Variants in PTPRN observed in about 807,000 individuals in gnomAD.
PTPRN encodes the protein receptor-type tyrosine-protein phosphatase-like N.
Under a neutral mutation model 108.5 loss-of-function variants are expected in PTPRN, and 70 were observed. The ratio of observed to expected loss-of-function variants is 0.65; its 90% CI spans 0.53 to 0.79. The LOEUF is 0.79. Ranked by LOEUF, PTPRN falls within the 30% of genes least tolerant of loss-of-function variation. PTPRN has a pLI of 0.00. For synonymous variants in PTPRN, 496 were observed against 524.6 expected (o/e 0.95, Z 0.75); for missense variants, 1,136 against 1,295.5 (o/e 0.88, Z 1.89).
Position 219,290,922 on chromosome 2 carries a change from G to C in PTPRN, c.2730-32C>G, listed in dbSNP as rs1425135580. The C allele has an allele frequency of 6.2e-7, 1 of 1,604,542 alleles. No individual in the cohort carries two copies. The highest frequency in any genetic ancestry group is 8.5e-7 in the Non-Finnish European group (1 of 1,171,312). The stretch of plus-strand genomic sequence containing the variant: ...CAGGAGTTAGTGACAGGTTTAGCTT[G>C]AGATGCAGCAGAAAGGGGGAGGGAC... On this transcript the variant is annotated intron_variant, in intron 20 of 22. Coordinates refer to ENST00000295718, the MANE Select transcript of PTPRN (RefSeq NM_002846.4). The surrounding 1 kb of genome is among the most constrained non-coding windows in gnomAD (Gnocchi z 4.2).
chr2:219,292,203 A>C (rs1303260972), intron 19 of PTPRN: 2 of 153,950 alleles, frequency 1.3e-5, no homozygotes, highest in African/African-American at 4.8e-5. Context: ...GTCTCCCTGG[A>C]GCAGTCTCAC....
At chr2:219,302,055 G>C in intron 6 of PTPRN, 82 bp downstream of exon 6, 1 of 1,253,378 alleles carries the variant, frequency 8.0e-7, no homozygotes, top group Non-Finnish European at 1.1e-6. Flanking sequence ...GTTAACAAAC[G>C]CATAGATTGT....
At chr2:219,308,323 C>A in intron 1 of PTPRN, 1 of 179,212 alleles carries the variant, frequency 5.6e-6, no homozygotes, top group Non-Finnish European at 1.2e-5. Context: ...GCCGCTGGCG[C>A]TGTCCGCGGT....
intron 7 of PTPRN, 108 bp from the exon 8 acceptor site, chr2:219,301,085 G>T: frequency 2.7e-6 from 3 of 1,110,024 alleles, no homozygotes; most frequent in Non-Finnish European, 4.1e-6. Context: ...ATTTGCTGTG[G>T]TCTTCATCTC....
At chr2:219,299,196 C>G in intron 11 of PTPRN, 85 bp from the exon 12 acceptor site, 2 of 1,602,274 alleles carry the variant, frequency 1.2e-6, no homozygotes, top group Non-Finnish European at 1.7e-6. Flanking sequence ...CAGGCAGGGC[C>G]CATGTGGGCT....
At chr2:219,308,090 G>C (rs1952528598) in intron 1 of PTPRN, 2 of 515,674 alleles carry the variant, frequency 3.9e-6, no homozygotes, top group Admixed American at 3.5e-5. Flanking sequence ...GAGTGATAGG[G>C]AAGAAACCTT....
Position 219,296,735 on chromosome 2 carries a change from T to C in PTPRN, c.2310+14A>G, listed in dbSNP as rs747992413. 6.2e-7 allele frequency: 1 copy of C among 1,612,798 alleles called. No individual in the cohort carries two copies. The highest frequency in any genetic ancestry group is 1.1e-5 in the South Asian group (1 of 90,944). Reference sequence around the variant, plus strand: ...GATGGGGCAGAGGTGGGGGCTGGAGTCAGGGCCACTCACAATGGGGCTGGC... The same window carrying C: ...GATGGGGCAGAGGTGGGGGCTGGAGCCAGGGCCACTCACAATGGGGCTGGC... On this transcript the variant is annotated intron_variant, in intron 16 of 22. Coordinates refer to ENST00000295718, the MANE Select transcript of PTPRN (RefSeq NM_002846.4). The surrounding 1 kb of genome is among the most constrained non-coding windows in gnomAD (Gnocchi z 6.0).
In PTPRN at chr2:219,298,071, A is replaced by G. The variant is rs1952246612; in HGVS notation, c.1701T>C (p.Thr567=). The change falls in exon 13 of 23, where the codon ACT becomes ACC. Residue 567 remains threonine, a synonymous_variant. Transcript: ENST00000295718. ...AGCGCATGGGTGAGGTGCTGTGCGC[A>G]GTTTGGGGAAGGACTGCAGCTGCCT... ...REEAAAVLPQ[T]AHSTSPMRSV... is the part of the protein sequence containing the mutation. 1 of 1,613,852 alleles carries G rather than the reference A, an allele frequency of 6.2e-7. No homozygotes were observed. Among genetic ancestry groups the G allele is most frequent in the Non-Finnish European group, 8.5e-7 (1 of 1,179,948 alleles).
At chr2:219,308,257 G>T in intron 1 of PTPRN, 1 of 191,582 alleles carries the variant, frequency 5.2e-6, no homozygotes, top group Non-Finnish European at 1.1e-5. Flanking sequence ...GGGAAAGAGG[G>T]CATGGGTGGG....
Position 219,291,569 on chromosome 2 carries a change from G to A in PTPRN, c.2676-46C>T, listed in dbSNP as rs376067887. ...GAGGGCCAGTGGGCACCAGCAGAGA[G>A]GGAAAGGGAAGCTGAAACACATGAC... On this transcript the variant is annotated intron_variant, in intron 19 of 22. Transcript: ENST00000295718. The A allele has an allele frequency of 2.3e-5, 36 of 1,577,402 alleles. No individual in the cohort carries two copies. In the African/African-American group the frequency reaches 3.6e-4, roughly 16 times the overall value.
In PTPRN at chr2:219,300,092, G is replaced by A. The variant is rs151307858; in HGVS notation, c.1329C>T (p.Val443=). 5.6e-6 allele frequency: 9 copies of A among 1,614,172 alleles called. No homozygotes were observed. Among genetic ancestry groups the A allele is most frequent in the Middle Eastern group, 1.7e-4 (1 of 6,060 alleles). Reference sequence around the variant, plus strand: ...CCAGTGGGCTTTTCTTCTCTAGCAGGACAGGTGTCACAGGGGGTCTGGCAG... The same window carrying A: ...CCAGTGGGCTTTTCTTCTCTAGCAGAACAGGTGTCACAGGGGGTCTGGCAG... ...PKAARPPVTP[V]LLEKKSPLGQ... is the part of the protein sequence containing the mutation. Residue 443 remains valine (V), a synonymous_variant, in exon 9 of 23, where the codon GTC becomes GTT. Transcript: ENST00000295718.
In PTPRN at chr2:219,296,643, C is replaced by T; in HGVS notation, c.2310+106G>A. 6.4e-7 allele frequency: 1 copy of T among 1,560,250 alleles called. No individual in the cohort carries two copies. The highest frequency in any genetic ancestry group is 1.8e-5 in the Admixed American group (1 of 56,658). ...CCCCTTGCTAGGATATCAGGCCCCA[C>T]CACTCCAGGGGGTTGGTGGGGTGGC... On this transcript the variant is annotated intron_variant, in intron 16 of 22. Transcript: ENST00000295718. This position sits in a 1 kb window ranked among gnomAD's most constrained non-coding sequence, Gnocchi z 6.0.
At chr2:219,307,154 A>C in intron 3 of PTPRN, 1 of 296,516 alleles carries the variant, frequency 3.4e-6, no homozygotes, top group Non-Finnish European at 6.2e-6. Context: ...AGGATTCCAG[A>C]GTTCTTGGCT....
In PTPRN at chr2:219,301,617, A is replaced by G. The variant is rs1291610576; in HGVS notation, c.1097T>C (p.Leu366Pro). ...ATTTCTTCCTGCACCCTTGGGCAGT[A>G]GCTGCAGCAGGGTCAGGAGTGTGGA... ...QLSTLLTLLQLLPKGAGRNPG... is the reference protein window; with the variant it reads ...QLSTLLTLLQPLPKGAGRNPG... The change falls in exon 7 of 23, where the codon CTA (leucine) becomes CCA (proline). Residue 366 changes from leucine to proline, a missense_variant. By Grantham distance (98) the Leu-to-Pro change is moderately conservative (BLOSUM62 -3). Transcript: ENST00000295718. The G allele has an allele frequency of 5.6e-6, 9 of 1,612,558 alleles. No homozygotes were observed. Among genetic ancestry groups the G allele is most frequent in the Non-Finnish European group, 7.6e-6 (9 of 1,178,784 alleles).
chr2:219,290,473 G>A lies in PTPRN; in HGVS notation c.2868+65C>T. On this transcript the variant is annotated intron_variant, in intron 22 of 22. Transcript: ENST00000295718. The surrounding 1 kb of genome is among the most constrained non-coding windows in gnomAD (Gnocchi z 4.2). ...GGTTGGCAGCTGCTGCTTTCCCTGG[G>A]GTGGCCAAGAAGTGGGTGCTAGGGA... is the stretch of plus-strand genomic sequence containing the variant. The A allele has an allele frequency of 6.8e-7, 1 of 1,480,438 alleles. No individual in the cohort carries two copies. Among genetic ancestry groups the A allele is most frequent in the Non-Finnish European group, 9.2e-7 (1 of 1,084,238 alleles). The allele number at this position is 1,480,438 out of a possible 1,614,324, so 91.7% of individuals were successfully genotyped here. A position where few individuals can be genotyped will look rare whatever the true frequency, so the allele number is the denominator to read the frequency against.
Position 219,301,716 on chromosome 2 carries a change from G to C in PTPRN, c.998C>G (p.Ala333Gly). 1 of 1,607,122 alleles carries C rather than the reference G, an allele frequency of 6.2e-7. No homozygotes were observed. Among genetic ancestry groups the C allele is most frequent in the Non-Finnish European group, 8.5e-7 (1 of 1,174,680 alleles). Reference protein sequence around the residue: ...KPASPAVQPDAALQRLAAVLA... With the variant: ...KPASPAVQPDGALQRLAAVLA... The stretch of plus-strand genomic sequence containing the variant: ...CACAGCGGCCAGCCTCTGCAGAGCC[G>C]CATCTGCTGGGAGCCAGACACAGAG... The change falls in exon 7 of 23, where the codon GCG becomes GGG. Residue 333 changes from alanine (A) to glycine (G), a missense_variant. Ala to Gly is a moderately conservative substitution (Grantham distance 60). Coordinates refer to ENST00000295718, the MANE Select transcript of PTPRN (RefSeq NM_002846.4).
chr2:219,304,050 T>A (rs1952423633), intron 3 of PTPRN: 1 of 408,306 alleles, frequency 2.4e-6, no homozygotes, highest in African/African-American at 2.1e-5. Context: ...TTGCTACTGA[T>A]GAATTATGTA....
At chr2:219,308,762 C>T in intron 1 of PTPRN, 1 of 1,140,362 alleles carries the variant, frequency 8.8e-7, no homozygotes, top group South Asian at 1.5e-5. Context: ...GAAACCCTGG[C>T]CTCTCTCTCT....
At chr2:219,300,532 G>A (rs1487433997) in intron 8 of PTPRN, 2 of 478,282 alleles carry the variant, frequency 4.2e-6, no homozygotes, top group Non-Finnish European at 7.3e-6. Context: ...AGAAGCTGGG[G>A]TGAGGGTAAA....
Sources: allele counts gnomAD v4.1 joint callset, GRCh38; gene constraint gnomAD v4.1.1; non-coding constraint Gnocchi (gnomAD v3.1); transcripts MANE v1.5; gene names NCBI Gene and HGNC (gene_info 2026-07-23, HGNC 2026-07-21).